The following TBC1D23 variants were observed in gnomAD, a reference collection of about 807,000 sequenced individuals.
TBC1D23 encodes the protein HCV non-structural protein 4A-transactivated protein 1.
A neutral mutation model predicts 91.4 loss-of-function variants in TBC1D23; 55 were observed. That is an observed-to-expected ratio of 0.60 (90% CI 0.48 to 0.75). TBC1D23 has a LOEUF of 0.75. Among genes scored for constraint, TBC1D23 ranks in the 30% least tolerant of loss-of-function variants. The pLI is 0.00. For missense variants in TBC1D23, 725 were observed against 836.1 expected (o/e 0.87, Z 1.64); for synonymous variants, 289 against 281.0 (o/e 1.03, Z -0.28).
intron 8 of TBC1D23, among the ~76,000 whole-genome samples, chr3:100,296,641 C>T (rs183640380): frequency 1.1e-3 from 168 of 152,042 alleles, no homozygotes; most frequent in African/African-American, 2.7e-3. Context: ...GGGTGGATCA[C>T]GAGGTCGGGA....
intron 8 of TBC1D23, among the ~76,000 whole-genome samples, chr3:100,296,597 C>T (rs915088097): frequency 5.3e-5 from 8 of 152,028 alleles, no homozygotes; most frequent in South Asian, 4.1e-4. Flanking sequence ...TGGTGGCTCA[C>T]GCCTGTAATC....
At chr3:100,299,579 G>A (rs1029084899) in intron 10 of TBC1D23, among the ~76,000 whole-genome samples, 2 of 152,048 alleles carry the variant, frequency 1.3e-5, no homozygotes, top group Admixed American at 6.5e-5. Context: ...GTGCGATCTC[G>A]GCTCACTGCA....
intron 3 of TBC1D23, among the ~76,000 whole-genome samples, chr3:100,283,121 C>T (rs2067708935): frequency 6.6e-6 from 1 of 152,108 alleles, no homozygotes; most frequent in South Asian, 2.1e-4. Flanking sequence ...GCCTATAATC[C>T]CAGCACTTTG....
At chr3:100,297,432 G>A (rs993374271) in intron 8 of TBC1D23, among the ~76,000 whole-genome samples, 1 of 152,130 alleles carries the variant, frequency 6.6e-6, no homozygotes, top group Non-Finnish European at 1.5e-5. Flanking sequence ...CAGATGGTAG[G>A]ATAGTAGTTT....
At chr3:100,291,141 T>C (rs946974880) in intron 5 of TBC1D23, among the ~76,000 whole-genome samples, 1 of 152,218 alleles carries the variant, frequency 6.6e-6, no homozygotes, top group Admixed American at 6.5e-5. Flanking sequence ...TATAAAAGAA[T>C]ATAAAGTATA....
rs1364231367 is a variant in TBC1D23 at position 100,302,108 on chromosome 3, C to T, written c.1134C>T (p.Ser378=). 5.0e-6 allele frequency: 8 copies of T among 1,613,602 alleles called. No individual in the cohort carries two copies. The highest frequency in any genetic ancestry group is 6.8e-6 in the Non-Finnish European group (8 of 1,179,862). The part of the protein sequence containing the change: ...NPSEFAQSVK[S]LLEAQKQSIE... The stretch of plus-strand genomic sequence containing the variant: ...CTGAGTTTGCACAGTCAGTAAAATC[C>T]TTGCTGGAAGCACAGAAGCAGTCCA... Residue 378 remains serine, a synonymous_variant, in exon 11 of 19, where the codon TCC becomes TCT. Transcript: ENST00000394144.
In TBC1D23 at chr3:100,290,563, T is replaced by C. The variant is rs1244380244; in HGVS notation, c.477-15T>C. 1.2e-5 allele frequency: 19 copies of C among 1,608,426 alleles called. No individual in the cohort carries two copies. The highest frequency in any genetic ancestry group is 1.6e-5 in the Non-Finnish European group (19 of 1,178,486). ...TCTGTTAATGCAAAAAAATTTTGCT[T>C]CTCTTGTCTTCTAGGGATTGTTCCC... On this transcript the variant is annotated splice_polypyrimidine_tract_variant and intron_variant, in intron 4 of 18. Transcript: ENST00000394144.
rs1265081192 is a variant in TBC1D23 at position 100,324,230 on chromosome 3, A to G, written c.*562A>G. On this transcript the variant is annotated 3_prime_UTR_variant, in exon 19 of 19. Transcript: ENST00000394144. ...TTCCTGCCAACTCAAAATACAGTAC[A>G]GCTAGTAAAATGTTGAAACATCAGT... 3 of 152,214 alleles carry G rather than the reference A, an allele frequency of 2.0e-5. No homozygotes were observed. The highest frequency in any genetic ancestry group is 4.8e-5 in the African/African-American group (2 of 41,472). 9.4% of individuals were successfully genotyped at this position (152,214 alleles called of 1,614,324 possible). A position where few individuals can be genotyped will look rare whatever the true frequency, so the allele number is the denominator to read the frequency against.
chr3:100,286,959 C>T (rs1000342596), intron 4 of TBC1D23, among the ~76,000 whole-genome samples: 12 of 151,502 alleles, frequency 7.9e-5, no homozygotes, highest in South Asian at 2.1e-4. Flanking sequence ...GAATCACAGG[C>T]GTGTGCCACC....
intron 1 of TBC1D23, among the ~76,000 whole-genome samples, chr3:100,276,848 T>C (rs2148852648): frequency 6.6e-6 from 1 of 152,348 alleles, no homozygotes; most frequent in Middle Eastern, 3.4e-3. Flanking sequence ...AGTTTCTCCT[T>C]CCTTCCCACC....
Position 100,320,942 on chromosome 3 carries a change from T to C in TBC1D23, c.1989T>C (p.Ala663=), listed in dbSNP as rs148926200. The part of the protein sequence containing the change: ...LITFKYGNSS[A]SGIEILAIER... ...CCTTCAAGTATGGAAATAGCAGTGC[T>C]TCAGGAATAGAAATCTTGGCAATCG... The change falls in exon 18 of 19, where the codon GCT becomes GCC. Residue 663 remains alanine, a synonymous_variant. Coordinates refer to ENST00000394144, the MANE Select transcript of TBC1D23 (RefSeq NM_001199198.3). 6.3e-7 allele frequency: 1 copy of C among 1,599,760 alleles called. No homozygotes were observed. The highest frequency in any genetic ancestry group is 1.8e-5 in the Admixed American group (1 of 56,600).
chr3:100,275,378 C>T (rs2067640583), intron 1 of TBC1D23, among the ~76,000 whole-genome samples: 1 of 152,086 alleles, frequency 6.6e-6, no homozygotes, highest in African/African-American at 2.4e-5. Flanking sequence ...GCCTCTGCCT[C>T]CTGAGCTCAA....
intron 18 of TBC1D23, 122 bp downstream of exon 18, chr3:100,321,093 A>G: frequency 1.4e-6 from 1 of 703,930 alleles, no homozygotes; most frequent in Non-Finnish European, 2.3e-6. Flanking sequence ...TAGCTGAACC[A>G]CTTTTAGTGT....
intron 1 of TBC1D23, among the ~76,000 whole-genome samples, chr3:100,272,235 A>AAAATGAG (rs2067605762): frequency 6.6e-6 from 1 of 152,022 alleles, no homozygotes; most frequent in African/African-American, 2.4e-5. Flanking sequence ...TTGGAGAACT[A>AAAATGAG]AAATGAGACA....
intron 4 of TBC1D23, 192 bp downstream of exon 4, chr3:100,284,003 T>C: frequency 1.9e-6 from 1 of 535,022 alleles, no homozygotes; most frequent in South Asian, 2.9e-5. Context: ...GTTAAAAATG[T>C]ATACTTCTGA....
At chr3:100,316,034 G>T in intron 15 of TBC1D23, 65 bp from the exon 16 acceptor site, 1 of 1,296,580 alleles carries the variant, frequency 7.7e-7, no homozygotes, top group Non-Finnish European at 1.1e-6. Flanking sequence ...TTCAAATGAT[G>T]CTTGGTAAAA....
At chr3:100,294,774 T>C (rs2067823475) in intron 5 of TBC1D23, among the ~76,000 whole-genome samples, 1 of 152,210 alleles carries the variant, frequency 6.6e-6, no homozygotes. Context: ...CAAAGATATG[T>C]GCTAGTTACT....
chr3:100,305,448 G>GTAA (rs1705499998), intron 12 of TBC1D23, among the ~76,000 whole-genome samples: 1 of 151,970 alleles, frequency 6.6e-6, no homozygotes, highest in Non-Finnish European at 1.5e-5. Flanking sequence ...TTTTAAAAGA[G>GTAA]TAATAAGATT....
In TBC1D23 at chr3:100,325,216, A is replaced by G. The variant is rs1705928628; in HGVS notation, c.*1548A>G. On this transcript the variant is annotated 3_prime_UTR_variant, in exon 19 of 19. Coordinates refer to ENST00000394144, the MANE Select transcript of TBC1D23 (RefSeq NM_001199198.3). ...TACTGTTTATAAATTACAATTGTAAATAAATTACTAGTTTGCCCAAAACTT... is the reference window on the plus strand; with the variant it reads ...TACTGTTTATAAATTACAATTGTAAGTAAATTACTAGTTTGCCCAAAACTT... The G allele has an allele frequency of 6.6e-6, 1 of 152,202 alleles. No homozygotes were observed. Among genetic ancestry groups the G allele is most frequent in the Non-Finnish European group, 1.5e-5 (1 of 68,036 alleles). The allele number at this position is 152,202 out of a possible 1,614,324, so 9.4% of individuals were successfully genotyped here. A position where few individuals can be genotyped will look rare whatever the true frequency, so the allele number is the denominator to read the frequency against.
Sources: gnomAD v4.1 joint callset for allele counts (sites outside exome capture counted in the v4.1 genomes callset) on GRCh38, gnomAD v4.1.1 for gene constraint, MANE v1.5 for transcripts, NCBI Gene and HGNC (gene_info 2026-07-23, HGNC 2026-07-21) for gene names.